KCNIP4: variants seen among roughly 807,000 people sequenced by gnomAD.
The protein encoded by KCNIP4 is Kv channel-interacting protein 4.
In KCNIP4, 12 loss-of-function variants were observed where a neutral mutation model predicts 34.0. That is an observed-to-expected ratio of 0.35 (90% CI 0.23 to 0.57). The LOEUF (loss-of-function observed/expected upper bound fraction) is 0.57. Ranked by LOEUF, KCNIP4 falls within the 20% of genes least tolerant of loss-of-function variation. KCNIP4 has a pLI of 0.83. For missense variants in KCNIP4, 238 were observed against 311.7 expected, an observed-to-expected ratio of 0.76 and a Z score of 1.78; for synonymous variants, 124 against 102.2, an observed-to-expected ratio of 1.21 and a Z score of -1.29.
At chr4:21,532,561 T>A (rs945896109) in intron 1 of KCNIP4, among the ~76,000 whole-genome samples, 1 of 152,150 alleles carries the variant, frequency 6.6e-6, no homozygotes, top group African/African-American at 2.4e-5. Flanking sequence ...ACACCACACA[T>A]AGCAGCATTC....
At chr4:21,249,725 C>T (rs777553025) in intron 1 of KCNIP4, among the ~76,000 whole-genome samples, 21 of 151,996 alleles carry the variant, frequency 1.4e-4, no homozygotes, top group Non-Finnish European at 2.9e-4. Flanking sequence ...TTAGAATATG[C>T]ACCAGTATTT....
In KCNIP4 at chr4:20,900,723, G is replaced by A. The variant is rs768241316; in HGVS notation, c.62-18014C>T. On this transcript the variant is annotated intron_variant, in intron 1 of 8. Transcript: ENST00000382152. ...AGGCTACTAGTTACTGAGAGTTGGGGAAAGTGGGGAAGGAGCCCAGCACTG... is the reference window on the plus strand; with the variant it reads ...AGGCTACTAGTTACTGAGAGTTGGGAAAAGTGGGGAAGGAGCCCAGCACTG... Among the ~76,000 whole-genome samples the A allele has an allele frequency of 1.7e-3, 259 of 152,172 alleles. 2 individuals carry two copies. Among genetic ancestry groups the A allele is most frequent in the Non-Finnish European group, 2.6e-3 (180 of 68,012 alleles).
At chr4:20,842,126 T>C (rs893958714) in intron 3 of KCNIP4, among the ~76,000 whole-genome samples, 1 of 152,164 alleles carries the variant, frequency 6.6e-6, no homozygotes, top group Non-Finnish European at 1.5e-5. Context: ...ATACAAACTC[T>C]AAAGAAAAAT....
chr4:21,661,547 G>A (rs1258602713), intron 1 of KCNIP4, among the ~76,000 whole-genome samples: 2 of 152,180 alleles, frequency 1.3e-5, no homozygotes, highest in East Asian at 3.9e-4. Context: ...AAGGGGGTCA[G>A]GGAACTCTCC....
intron 5 of KCNIP4, among the ~76,000 whole-genome samples, chr4:20,740,738 T>C (rs1011155356): frequency 6.6e-6 from 1 of 152,126 alleles, no homozygotes; most frequent in Non-Finnish European, 1.5e-5. Context: ...TAACCTTAAA[T>C]GTAAATGGGC....
chr4:21,576,839 C>T (rs895275936), intron 1 of KCNIP4, among the ~76,000 whole-genome samples: 19 of 151,982 alleles, frequency 1.3e-4, no homozygotes, highest in African/African-American at 4.6e-4. Flanking sequence ...AGGTTTTAAC[C>T]ACTGTAGACT....
In KCNIP4 at chr4:21,246,278, T is replaced by C. The variant is rs555829968; in HGVS notation, c.62-363569A>G. ...GGAAGTTCTCTACTTTAAAACCAACTAGCTTCTCTCTCTCCTGAGTCCCAA... is the reference window on the plus strand; with the variant it reads ...GGAAGTTCTCTACTTTAAAACCAACCAGCTTCTCTCTCTCCTGAGTCCCAA... On this transcript the variant is annotated intron_variant, in intron 1 of 8. Transcript: ENST00000382152. Among the ~76,000 whole-genome samples the C allele has an allele frequency of 1.1e-4, 17 of 152,284 alleles. No individual in the cohort carries two copies. In the South Asian group the frequency reaches 3.5e-3, roughly 32 times the overall value.
chr4:21,606,040 T>C (rs1026665432), intron 1 of KCNIP4, among the ~76,000 whole-genome samples: 4 of 152,180 alleles, frequency 2.6e-5, no homozygotes, highest in Non-Finnish European at 5.9e-5. Flanking sequence ...AGAAATGCCC[T>C]AAGCATTAAA....
At chr4:21,475,443 C>T (rs1030426875) in intron 1 of KCNIP4, among the ~76,000 whole-genome samples, 1 of 152,156 alleles carries the variant, frequency 6.6e-6, no homozygotes, top group Non-Finnish European at 1.5e-5. Flanking sequence ...TACTCAGAGC[C>T]TGGCAACAAC....
intron 1 of KCNIP4, among the ~76,000 whole-genome samples, chr4:21,883,159 G>T (rs111788520): frequency 0.032 from 4,423 of 138,078 alleles, 216 homozygotes; most frequent in African/African-American, 0.11. Context: ...CTGAGTTGTT[G>T]TTTTTTTTTT....
intron 1 of KCNIP4, among the ~76,000 whole-genome samples, chr4:21,947,370 G>A (rs540501073): frequency 2.6e-5 from 4 of 152,358 alleles, no homozygotes; most frequent in Admixed American, 6.5e-5. Context: ...CAAGTCAAAT[G>A]TGGGGCTTTA....
intron 1 of KCNIP4, among the ~76,000 whole-genome samples, chr4:21,619,086 C>T (rs943769252): frequency 1.3e-5 from 2 of 152,070 alleles, no homozygotes; most frequent in Non-Finnish European, 2.9e-5. Flanking sequence ...ATAAGTGAGA[C>T]TCAATACATG....
At chr4:20,735,956 C>T (rs991687456) in intron 5 of KCNIP4, among the ~76,000 whole-genome samples, 2 of 152,192 alleles carry the variant, frequency 1.3e-5, no homozygotes, top group Admixed American at 1.3e-4. Context: ...GGTGAATTTG[C>T]ATTATATCTC....
At chr4:20,770,518 C>T (rs1011284875) in intron 3 of KCNIP4, among the ~76,000 whole-genome samples, 25 of 151,312 alleles carry the variant, frequency 1.7e-4, no homozygotes, top group Non-Finnish European at 2.4e-4. Flanking sequence ...AAAAGAAACA[C>T]GCAGTGTTTC....
rs897563506 is a variant in KCNIP4 at position 21,492,517 on chromosome 4, C to G, written c.61+456054G>C. Among the ~76,000 whole-genome samples the G allele has an allele frequency of 2.0e-5, 3 of 152,200 alleles. 1 individual carries two copies. In the South Asian group the frequency reaches 6.2e-4, roughly 31 times the overall value. On this transcript the variant is annotated intron_variant, in intron 1 of 8. Coordinates refer to ENST00000382152, the MANE Select transcript of KCNIP4 (RefSeq NM_025221.6). The stretch of plus-strand genomic sequence containing the variant: ...GGGATTACAGGCATGAGCCATGGCA[C>G]TCAGCCCACATATCATTATTGGTTA...
intron 1 of KCNIP4, among the ~76,000 whole-genome samples, chr4:21,578,582 T>C (rs1306842385): frequency 6.6e-6 from 1 of 152,104 alleles, no homozygotes; most frequent in Non-Finnish European, 1.5e-5. Flanking sequence ...TCCACCCTTC[T>C]ACTCAGTGGA....
At chr4:21,546,254 G>T (rs1444784823) in intron 1 of KCNIP4, among the ~76,000 whole-genome samples, 1 of 152,070 alleles carries the variant, frequency 6.6e-6, no homozygotes, top group Non-Finnish European at 1.5e-5. Context: ...TTTTGCAAGG[G>T]TGAGGGGTTA....
At chr4:20,998,670 G>A (rs1369184195) in intron 1 of KCNIP4, among the ~76,000 whole-genome samples, 2 of 152,190 alleles carry the variant, frequency 1.3e-5, no homozygotes, top group African/African-American at 2.4e-5. Context: ...TAATAGTCTG[G>A]CTTAAAAATA....
intron 1 of KCNIP4, among the ~76,000 whole-genome samples, chr4:21,413,813 G>T (rs1025350921): frequency 6.6e-6 from 1 of 152,182 alleles, no homozygotes; most frequent in African/African-American, 2.4e-5. Flanking sequence ...TAGAGTTTAC[G>T]TAGTGTCTGA....
Sources: allele counts gnomAD v4.1 joint callset (sites outside exome capture counted in the v4.1 genomes callset), GRCh38; gene constraint gnomAD v4.1.1; transcripts MANE v1.5; gene names NCBI Gene and HGNC (gene_info 2026-07-23, HGNC 2026-07-21).